The following TAOK3 variants were observed in gnomAD, a reference collection of about 807,000 sequenced individuals.
TAOK3 encodes the protein serine/threonine-protein kinase TAO3.
Under a neutral mutation model 120.4 loss-of-function variants are expected in TAOK3, and 40 were observed. The ratio of observed to expected loss-of-function variants is 0.33; its 90% CI spans 0.26 to 0.43. The LOEUF is 0.43. Among genes scored for constraint, TAOK3 ranks in the 20% least tolerant of loss-of-function variants. The pLI is 1.00. For missense variants in TAOK3, 821 were observed against 1,112.1 expected, an observed-to-expected ratio of 0.74 and a Z score of 3.72; for synonymous variants, 355 against 387.5, an observed-to-expected ratio of 0.92 and a Z score of 0.99.
intron 1 of TAOK3, among the ~76,000 whole-genome samples, chr12:118,330,954 A>C (rs2044123902): frequency 6.6e-6 from 1 of 152,190 alleles, no homozygotes; most frequent in South Asian, 2.1e-4. Flanking sequence ...TATGGAATTT[A>C]TCTCATCTAT....
chr12:118,350,440 G>A (rs1460464447), intron 1 of TAOK3, among the ~76,000 whole-genome samples: 2 of 152,158 alleles, frequency 1.3e-5, no homozygotes, highest in Non-Finnish European at 2.9e-5. Context: ...GAGGTTCGTT[G>A]AGATACTCAT....
At chr12:118,216,839 G>T in intron 9 of TAOK3, among the ~76,000 whole-genome samples, 1 of 149,162 alleles carries the variant, frequency 6.7e-6, no homozygotes, top group East Asian at 2.0e-4. Context: ...TGAGGCAGGA[G>T]AATGGCGTGA....
intron 1 of TAOK3, among the ~76,000 whole-genome samples, chr12:118,363,279 C>T (rs1199687916): frequency 6.6e-6 from 1 of 151,970 alleles, no homozygotes; most frequent in East Asian, 1.9e-4. Context: ...ATTATCTTCA[C>T]CAGCAGCAAT....
intron 17 of TAOK3, among the ~76,000 whole-genome samples, chr12:118,166,068 C>A (rs1253183444): frequency 6.6e-6 from 1 of 152,100 alleles, no homozygotes; most frequent in Non-Finnish European, 1.5e-5. Flanking sequence ...CCATACATCT[C>A]ATTCAATCCA....
intron 13 of TAOK3, among the ~76,000 whole-genome samples, chr12:118,193,335 C>T (rs1251804373): frequency 1.3e-5 from 2 of 151,954 alleles, no homozygotes; most frequent in Admixed American, 1.3e-4. Flanking sequence ...AGGCACGAGC[C>T]ACCGCACCCA....
intron 12 of TAOK3, chr12:118,200,852 T>C (rs1342308231): frequency 2.6e-5 from 4 of 153,194 alleles, no homozygotes; most frequent in African/African-American, 7.2e-5. Flanking sequence ...AGTGCTCCCT[T>C]TTCCCCATTT....
At chr12:118,361,454 T>A (rs1402744363) in intron 1 of TAOK3, among the ~76,000 whole-genome samples, 2 of 151,904 alleles carry the variant, frequency 1.3e-5, no homozygotes, top group Non-Finnish European at 2.9e-5. Flanking sequence ...TCCTTAGGAT[T>A]TTTTTTTCTT....
At chr12:118,362,521 G>T (rs1000608508) in intron 1 of TAOK3, among the ~76,000 whole-genome samples, 1 of 152,002 alleles carries the variant, frequency 6.6e-6, no homozygotes. Context: ...TAAGTGCTAT[G>T]GAGAAGGATA....
chr12:118,253,234 T>A (rs1394047203), intron 3 of TAOK3, among the ~76,000 whole-genome samples: 1 of 152,096 alleles, frequency 6.6e-6, no homozygotes. Context: ...ATGCAATTCA[T>A]AAAATAATCT....
intron 1 of TAOK3, among the ~76,000 whole-genome samples, chr12:118,308,184 C>T (rs1331142032): frequency 3.3e-5 from 5 of 152,118 alleles, no homozygotes; most frequent in Admixed American, 3.3e-4. Flanking sequence ...GTCCTCACTG[C>T]TATACTCCCA....
At chr12:118,235,726 T>G (rs2039994611) in intron 7 of TAOK3, 55 bp from the exon 8 acceptor site, 3 of 1,159,202 alleles carry the variant, frequency 2.6e-6, no homozygotes, top group African/African-American at 3.1e-5. Flanking sequence ...GATTATGGAA[T>G]AGGTCAGAGC....
chr12:118,336,439 C>T (rs1249424470), intron 1 of TAOK3, among the ~76,000 whole-genome samples: 1 of 151,906 alleles, frequency 6.6e-6, no homozygotes, highest in African/African-American at 2.4e-5. Context: ...TTATCTTATA[C>T]AAAAATTAAC....
intron 4 of TAOK3, among the ~76,000 whole-genome samples, chr12:118,244,030 A>T (rs2040369128): frequency 6.6e-6 from 1 of 152,138 alleles, no homozygotes; most frequent in South Asian, 2.1e-4. Context: ...ATCTATCACC[A>T]AATACATTAC....
At chr12:118,343,426 CAA>C (rs368283127) in intron 1 of TAOK3, among the ~76,000 whole-genome samples, 70 of 78,514 alleles carry the variant, frequency 8.9e-4, no homozygotes, top group Admixed American at 1.3e-3. Flanking sequence ...GTCCCTGTCT[CAA>C]AAAAAAAAAA....
intron 3 of TAOK3, among the ~76,000 whole-genome samples, chr12:118,248,977 TA>T (rs967727848): frequency 7.3e-5 from 11 of 151,424 alleles, no homozygotes; most frequent in Admixed American, 1.3e-4. Context: ...GATAGAAACT[TA>T]AAAAAAAATC....
chr12:118,293,858 A>C (rs1180541340), intron 1 of TAOK3, among the ~76,000 whole-genome samples: 1 of 151,038 alleles, frequency 6.6e-6, no homozygotes, highest in Non-Finnish European at 1.5e-5. Context: ...TACTAAAAAT[A>C]CAAAAAATTA....
intron 1 of TAOK3, among the ~76,000 whole-genome samples, chr12:118,338,684 G>A (rs1205536494): frequency 6.6e-6 from 1 of 150,780 alleles, no homozygotes; most frequent in Non-Finnish European, 1.5e-5. Flanking sequence ...CTACTCAGGA[G>A]GCTGAGGCAG....
intron 14 of TAOK3, among the ~76,000 whole-genome samples, chr12:118,184,879 T>C (rs1449370445): frequency 6.6e-6 from 1 of 152,206 alleles, no homozygotes; most frequent in Non-Finnish European, 1.5e-5. Flanking sequence ...AGTTTCTTAA[T>C]GTGTAAAGAG....
At chr12:118,180,429 C>A (rs377633429) in intron 15 of TAOK3, among the ~76,000 whole-genome samples, 1 of 151,804 alleles carries the variant, frequency 6.6e-6, no homozygotes, top group Admixed American at 6.6e-5. Context: ...TTTGTGGAGA[C>A]GGGGTTTTGC....
Sources: gnomAD v4.1 joint callset for allele counts (sites outside exome capture counted in the v4.1 genomes callset) on GRCh38, gnomAD v4.1.1 for gene constraint, MANE v1.5 for transcripts, NCBI Gene and HGNC (gene_info 2026-07-23, HGNC 2026-07-21) for gene names.